The following DNHD1 variants were observed in gnomAD, a reference collection of about 807,000 sequenced individuals.
DNHD1 encodes the protein dynein heavy chain domain 1.
A neutral mutation model predicts 458.1 loss-of-function variants in DNHD1; 383 were observed. That is an observed-to-expected ratio of 0.84 (90% CI 0.77 to 0.91). DNHD1 has a LOEUF of 0.91. DNHD1 is among the 40% of genes least tolerant of loss of function. DNHD1 has a pLI of 0.00. For synonymous variants in DNHD1, 2,203 were observed against 2,376.9 expected, an observed-to-expected ratio of 0.93 and a Z score of 2.13; for missense variants, 5,336 against 5,866.1, an observed-to-expected ratio of 0.91 and a Z score of 2.95.
Position 6,533,752 on chromosome 11 carries a change from C to T in DNHD1, c.2577C>T (p.Leu859=). ...RMEYVRALHE[L]IRNHFSLFSA... ...AATACGTACGGGCACTCCACGAACTCATCCGCAACCACTTTAGCCTCTTTA... is the reference window on the plus strand; with the variant it reads ...AATACGTACGGGCACTCCACGAACTTATCCGCAACCACTTTAGCCTCTTTA... Residue 859 remains leucine, a synonymous_variant, in exon 14 of 43, where the codon CTC becomes CTT. Transcript: ENST00000254579. The T allele has an allele frequency of 1.3e-6, 2 of 1,551,448 alleles. No individual in the cohort carries two copies. Among genetic ancestry groups the T allele is most frequent in the South Asian group, 1.2e-5 (1 of 84,026 alleles).
In DNHD1 at chr11:6,540,004, A is replaced by G. The variant is rs1188688774; in HGVS notation, c.3549A>G (p.Ser1183=). 2 of 1,551,454 alleles carry G rather than the reference A, an allele frequency of 1.3e-6. No homozygotes were observed. Among genetic ancestry groups the G allele is most frequent in the African/African-American group, 1.4e-5 (1 of 73,164 alleles). ...ILHVPYEPPA[S]ERSKRQVLRS... is the part of the protein sequence containing the mutation. ...ATGTACCCTACGAGCCCCCAGCCTC[A>G]GAGCGCTCCAAGAGGCAGGTGCTCC... Residue 1183 remains serine (S), a synonymous_variant, in exon 18 of 43, where the codon TCA becomes TCG. Coordinates refer to ENST00000254579, the MANE Select transcript of DNHD1 (RefSeq NM_144666.3).
intron 25 of DNHD1, 75 bp from the exon 26 acceptor site, chr11:6,558,410 G>A: frequency 6.5e-7 from 1 of 1,539,016 alleles, no homozygotes; most frequent in East Asian, 2.4e-5. Context: ...GGGGCTAAGT[G>A]GTCTGGCTGG....
rs1853222464 is a variant in DNHD1, at chr11:6,546,581, TGGAAGACACAATAC to T, written c.5646_5659del (p.Glu1882AspfsTer21). On this transcript the variant is annotated frameshift_variant, in exon 21 of 43. Transcript: ENST00000254579. LOFTEE classifies it high-confidence loss of function. ...CGCCTGCCACTGCTCAAGCAGATAC[TGGAAGACACAATAC>T]GGACACTAAATGTGACCAAGGAGGA... The T allele has an allele frequency of 1.3e-6, 2 of 1,551,852 alleles. No homozygotes were observed.
rs141479395 is a variant in DNHD1, at chr11:6,513,329, A to T, written c.1392+1900A>T. Among the ~76,000 whole-genome samples, 135 of 152,336 alleles carry T rather than the reference A, an allele frequency of 8.9e-4. 1 individual carries two copies. Among genetic ancestry groups the T allele is most frequent in the African/African-American group, 2.9e-3 (119 of 41,572 alleles). ...TTGTATACCTGGATCACGATAGAGA[A>T]CATTTCCAGCACCCCAGCAAGCTCC... On this transcript the variant is annotated intron_variant, in intron 7 of 42. Coordinates refer to ENST00000254579, the MANE Select transcript of DNHD1 (RefSeq NM_144666.3).
intron 24 of DNHD1, among the ~76,000 whole-genome samples, chr11:6,551,320 G>A (rs1158146575): frequency 6.6e-6 from 1 of 152,168 alleles, no homozygotes; most frequent in Non-Finnish European, 1.5e-5. Flanking sequence ...TTTGTGAGAT[G>A]CAACTAAAGG....
intron 3 of DNHD1, among the ~76,000 whole-genome samples, chr11:6,500,985 G>GGGAAAGCAT (rs1016022540): frequency 1.3e-5 from 2 of 151,802 alleles, no homozygotes; most frequent in Non-Finnish European, 2.9e-5. Context: ...TGTAGTTAGG[G>GGGAAAGCAT]GGAAAGCATG....
At chr11:6,542,726 G>T (rs1239946054) in intron 18 of DNHD1, among the ~76,000 whole-genome samples, 3 of 152,212 alleles carry the variant, frequency 2.0e-5, no homozygotes, top group African/African-American at 7.2e-5. Flanking sequence ...AAGACAGGTT[G>T]TTACAGGATT....
At chr11:6,503,061 T>TC in intron 4 of DNHD1, 135 bp downstream of exon 4, 1 of 944,246 alleles carries the variant, frequency 1.1e-6, no homozygotes, top group African/African-American at 1.7e-5. Context: ...GACTCTAGTG[T>TC]CCCTCTCTCT....
At chr11:6,556,631 ACT>A (rs1364957130) in intron 24 of DNHD1, 50 bp from the exon 25 acceptor site, 3 of 1,465,686 alleles carry the variant, frequency 2.0e-6, no homozygotes, top group Non-Finnish European at 2.7e-6. Context: ...ACAGGTTGAT[ACT>A]CTCATGTGGA....
Position 6,563,868 on chromosome 11 carries a change from G to A in DNHD1, c.10028G>A (p.Gly3343Glu). 6.4e-7 allele frequency: 1 copy of A among 1,551,712 alleles called. No homozygotes were observed. The highest frequency in any genetic ancestry group is 1.2e-5 in the South Asian group (1 of 84,064). ...CACTATGGGCTGGCGCATTGCCGGG[G>A]ACTGCCCACGGACCTGCTGCTGCAG... Reference protein sequence around the residue: ...VLHYGLAHCRGLPTDLLLQQV... With the variant: ...VLHYGLAHCRELPTDLLLQQV... Residue 3343 changes from glycine (G) to glutamate (E), a missense_variant, in exon 31 of 43, where the codon GGA becomes GAA. Gly to Glu is a moderately conservative substitution (Grantham distance 98). Coordinates refer to ENST00000254579, the MANE Select transcript of DNHD1 (RefSeq NM_144666.3).
chr11:6,535,865 G>A (rs1224854678), intron 14 of DNHD1, among the ~76,000 whole-genome samples: 2 of 152,100 alleles, frequency 1.3e-5, no homozygotes, highest in African/African-American at 4.8e-5. Flanking sequence ...CAGAATATTT[G>A]CACTGTCTTT....
At chr11:6,531,749 C>G (rs1036840692) in intron 12 of DNHD1, among the ~76,000 whole-genome samples, 1 of 152,134 alleles carries the variant, frequency 6.6e-6, no homozygotes, top group Non-Finnish European at 1.5e-5. Flanking sequence ...AAGTGACATA[C>G]CCAGTATGTC....
At chr11:6,549,084 T>TA in intron 24 of DNHD1, 151 bp downstream of exon 24, 1 of 845,214 alleles carries the variant, frequency 1.2e-6, no homozygotes, top group Non-Finnish European at 1.8e-6. Context: ...ATATGCTCCC[T>TA]GAACAATCCC....
chr11:6,557,435 T>C lies in DNHD1; in HGVS notation c.8140T>C (p.Leu2714=). Residue 2714 remains leucine, a synonymous_variant, in exon 25 of 43, where the codon TTG becomes CTG. Transcript: ENST00000254579. ...RVPEVESEGE[L]AQWEDFSNSN... ...GCCCGAAGTAGAATCTGAAGGGGAG[T>C]TGGCCCAGTGGGAGGACTTCAGCAA... The C allele has an allele frequency of 1.3e-6, 2 of 1,549,942 alleles. No individual in the cohort carries two copies. Among genetic ancestry groups the C allele is most frequent in the South Asian group, 1.2e-5 (1 of 83,940 alleles).
intron 7 of DNHD1, among the ~76,000 whole-genome samples, chr11:6,517,963 T>C (rs966036755): frequency 6.6e-6 from 1 of 152,210 alleles, no homozygotes; most frequent in African/African-American, 2.4e-5. Flanking sequence ...TAAGGGAGAA[T>C]CTGTGGATGG....
chr11:6,500,399 C>T (rs1412241846), intron 3 of DNHD1, among the ~76,000 whole-genome samples: 1 of 152,184 alleles, frequency 6.6e-6, no homozygotes, highest in Non-Finnish European at 1.5e-5. Flanking sequence ...GGTTGGCTTC[C>T]TCAGTTTTTG....
At chr11:6,532,025 G>C (rs1852837494) in intron 12 of DNHD1, among the ~76,000 whole-genome samples, 1 of 152,062 alleles carries the variant, frequency 6.6e-6, no homozygotes, top group Non-Finnish European at 1.5e-5. Context: ...CTGAGCTTCA[G>C]TTTGCTTATC....
At chr11:6,536,334 T>C (rs914709250) in intron 14 of DNHD1, among the ~76,000 whole-genome samples, 1 of 152,190 alleles carries the variant, frequency 6.6e-6, no homozygotes, top group Non-Finnish European at 1.5e-5. Context: ...AACTGAAATA[T>C]GGACAGTAGA....
rs1206983102 is a variant in DNHD1, at chr11:6,520,067, G to A, written c.1750G>A (p.Gly584Arg). 1 of 1,614,168 alleles carries A rather than the reference G, an allele frequency of 6.2e-7. No homozygotes were observed. The highest frequency in any genetic ancestry group is 8.5e-7 in the Non-Finnish European group (1 of 1,180,040). Residue 584 changes from glycine to arginine, a missense_variant, in exon 9 of 43, where the codon GGA (glycine) becomes AGA (arginine). By Grantham distance (125) the Gly-to-Arg change is moderately radical. This residue lies in a region of DNHD1 where 3,932 missense variants were observed against 4,365.6 expected (regional missense o/e 0.90). Coordinates refer to ENST00000254579, the MANE Select transcript of DNHD1 (RefSeq NM_144666.3). ...CVENMIQTLT[G>R]GLQSVKTSAL... Reference sequence around the variant, plus strand: ...TGAAAATATGATCCAGACTCTAACTGGAGGCCTACAGTCTGTCAAGACCTC... The same window carrying A: ...TGAAAATATGATCCAGACTCTAACTAGAGGCCTACAGTCTGTCAAGACCTC...
Sources: allele counts gnomAD v4.1 joint callset (sites outside exome capture counted in the v4.1 genomes callset), GRCh38; gene constraint gnomAD v4.1.1; regional missense constraint gnomAD v4.1.1; transcripts MANE v1.5; gene names NCBI Gene and HGNC (gene_info 2026-07-23, HGNC 2026-07-21).